C3orf20: variants seen among roughly 807,000 people sequenced by gnomAD.
C3orf20 encodes family with sequence similarity 149 member C.
C3orf20 carries 76 observed loss-of-function variants against 88.3 expected under a neutral mutation model. The observed-to-expected ratio is 0.86, with a 90% CI of 0.72 to 1.04. The LOEUF (loss-of-function observed/expected upper bound fraction) is 1.04, where lower values mean the gene tolerates loss of function less well. Among genes scored for constraint, C3orf20 ranks in the 50% least tolerant of loss-of-function variants. The probability of loss-of-function intolerance (pLI) is 0.00; values close to 1 mark genes in which losing one functional copy is unlikely to be tolerated. For missense variants in C3orf20, 1,056 were observed against 1,123.3 expected (o/e 0.94, Z 0.86); for synonymous variants, 436 against 437.4 (o/e 1.00, Z 0.04).
In C3orf20 at chr3:14,757,383, C is replaced by A; in HGVS notation, c.1953C>A (p.Arg651=). The A allele has an allele frequency of 6.2e-7, 1 of 1,611,006 alleles. No homozygotes were observed. Among genetic ancestry groups the A allele is most frequent in the Non-Finnish European group, 8.5e-7 (1 of 1,179,364 alleles). The part of the protein sequence containing the change: ...KAKVTSRGKA[R]EGRSPTRWAA... ...CTCCTCCTTGCAGAGGGAAGGCCCG[C>A]GAGGGGCGCAGCCCCACCAGGTGGG... The change falls in exon 13 of 17, where the codon CGC becomes CGA. Residue 651 remains arginine, a synonymous_variant. Transcript: ENST00000253697.
At position 14,760,603 on chromosome 3, in the gene C3orf20, CTTCT is replaced by C. The variant is rs1196728526; in HGVS notation, c.2352+608_2352+611del. Among the ~76,000 whole-genome samples, 4 of 107,592 alleles carry C rather than the reference CTTCT, an allele frequency of 3.7e-5. No homozygotes were observed. In the East Asian group the frequency reaches 8.5e-4, roughly 23 times the overall value. The allele number at this position is 107,592 out of a possible 152,430, so 70.6% of individuals were successfully genotyped here. A position where few individuals can be genotyped will look rare whatever the true frequency, so the allele number is the denominator to read the frequency against. On this transcript the variant is annotated intron_variant, in intron 14 of 16. Coordinates refer to ENST00000253697, the MANE Select transcript of C3orf20 (RefSeq NM_032137.5). ...TTTTAACTACTGTGTAAGAGTCTGT[CTTCT>C]TTTTTTTTTTTTTTTTTTTTGAGAC...
chr3:14,764,721 C>T (rs1477535213), intron 15 of C3orf20, among the ~76,000 whole-genome samples: 2 of 152,150 alleles, frequency 1.3e-5, no homozygotes, highest in Non-Finnish European at 2.9e-5. Flanking sequence ...AATGTAGCCT[C>T]TCCAAGTGGC....
chr3:14,680,454 G>A (rs1477420251), intron 1 of C3orf20, among the ~76,000 whole-genome samples: 2 of 152,090 alleles, frequency 1.3e-5, no homozygotes, highest in African/African-American at 2.4e-5. Context: ...TCCAGAACAG[G>A]CAAATCCACA....
chr3:14,727,476 G>C (rs566076771), intron 11 of C3orf20, among the ~76,000 whole-genome samples: 1 of 152,220 alleles, frequency 6.6e-6, no homozygotes, highest in East Asian at 1.9e-4. Context: ...GGCTGTCCCT[G>C]TTAGGCCCAC....
At chr3:14,756,028 CAAAAAAAAAAAAA>C in intron 12 of C3orf20, among the ~76,000 whole-genome samples, 1 of 72,736 alleles carries the variant, frequency 1.4e-5, no homozygotes, top group Non-Finnish European at 2.6e-5. Context: ...GACTCCATCT[CAAAAAAAAAAAAA>C]AAAAAAGAAA....
At chr3:14,684,505 C>G (rs577354072) in intron 4 of C3orf20, 123 bp downstream of exon 4, 73 of 1,294,250 alleles carry the variant, frequency 5.6e-5, no homozygotes, top group Admixed American at 7.4e-5. Context: ...GGATGTGGAG[C>G]AACAGGGATT....
chr3:14,681,661 A>G (rs2032099219), intron 1 of C3orf20, among the ~76,000 whole-genome samples: 1 of 152,208 alleles, frequency 6.6e-6, no homozygotes, highest in Non-Finnish European at 1.5e-5. Flanking sequence ...ACAAGAAACA[A>G]ATCATTTTTG....
intron 12 of C3orf20, among the ~76,000 whole-genome samples, chr3:14,742,678 A>G (rs1311405808): frequency 1.3e-5 from 2 of 152,292 alleles, no homozygotes; most frequent in Non-Finnish European, 2.9e-5. Context: ...CATGCTGCTG[A>G]TAAAGACATA....
At chr3:14,731,280 AC>A (rs2034533952) in intron 12 of C3orf20, among the ~76,000 whole-genome samples, 1 of 152,212 alleles carries the variant, frequency 6.6e-6, no homozygotes, top group Admixed American at 6.5e-5. Flanking sequence ...TTAGTATAAT[AC>A]ATACAGGATT....
chr3:14,754,550 T>G (rs1268989045), intron 12 of C3orf20, among the ~76,000 whole-genome samples: 1 of 152,136 alleles, frequency 6.6e-6, no homozygotes, highest in East Asian at 1.9e-4. Context: ...ATTCCTCTGG[T>G]TGTTGCAAGT....
At chr3:14,751,529 G>A (rs1045521516) in intron 12 of C3orf20, among the ~76,000 whole-genome samples, 1 of 152,216 alleles carries the variant, frequency 6.6e-6, no homozygotes, top group Non-Finnish European at 1.5e-5. Context: ...TAGGAAAAGA[G>A]GAAGTCAAAT....
intron 15 of C3orf20, among the ~76,000 whole-genome samples, chr3:14,764,208 A>T (rs2035637882): frequency 6.6e-6 from 1 of 151,644 alleles, no homozygotes; most frequent in Non-Finnish European, 1.5e-5. Context: ...CACACAAACT[A>T]GATAGAAACA....
intron 15 of C3orf20, among the ~76,000 whole-genome samples, chr3:14,765,819 G>A (rs944740960): frequency 6.6e-6 from 1 of 152,232 alleles, no homozygotes; most frequent in African/African-American, 2.4e-5. Flanking sequence ...CTGTGAAGCC[G>A]CCATGGAGAG....
chr3:14,715,401 G>T lies in C3orf20; in HGVS notation c.1426G>T (p.Glu476Ter). 6.2e-7 allele frequency: 1 copy of T among 1,611,544 alleles called. No individual in the cohort carries two copies. Among genetic ancestry groups the T allele is most frequent in the Non-Finnish European group, 8.5e-7 (1 of 1,179,432 alleles). ...TSRTETLLSL[E>*]YKVNEEMKLK... ...CAGGACAGAGACCCTGCTTTCCCTG[G>T]AATACAAGGTAGGGATGGGCAGCAC... is the stretch of plus-strand genomic sequence containing the variant. The change falls in exon 9 of 17, where the codon GAA (glutamate) becomes TAA (stop). Residue 476 changes from glutamate (E) to a stop codon, truncating the protein, a stop_gained. Coordinates refer to ENST00000253697, the MANE Select transcript of C3orf20 (RefSeq NM_032137.5). LOFTEE classifies it high-confidence loss of function.
At chr3:14,766,067 T>C (rs2035694792) in intron 15 of C3orf20, among the ~76,000 whole-genome samples, 1 of 151,862 alleles carries the variant, frequency 6.6e-6, no homozygotes, top group Non-Finnish European at 1.5e-5. Flanking sequence ...TGCACCAAGA[T>C]AAGGCCACAG....
At chr3:14,694,788 G>A (rs1026666695) in intron 5 of C3orf20, among the ~76,000 whole-genome samples, 1 of 151,210 alleles carries the variant, frequency 6.6e-6, no homozygotes, top group South Asian at 2.1e-4. Context: ...TTTATTTGAA[G>A]TTTCTCTTCT....
chr3:14,683,901 G>A (rs900077455), intron 3 of C3orf20, among the ~76,000 whole-genome samples: 2 of 147,146 alleles, frequency 1.4e-5, no homozygotes, highest in Non-Finnish European at 3.0e-5. Flanking sequence ...AAAAAGAACC[G>A]GGGTCCTTCC....
intron 1 of C3orf20, among the ~76,000 whole-genome samples, chr3:14,677,167 G>A (rs2031816293): frequency 2.0e-5 from 3 of 152,174 alleles, no homozygotes; most frequent in African/African-American, 7.2e-5. Flanking sequence ...AGAGAAAATA[G>A]CAGAGAACAC....
In C3orf20 at chr3:14,735,568, A is replaced by G. The variant is rs149173119; in HGVS notation, c.1940+6880A>G. On this transcript the variant is annotated intron_variant, in intron 12 of 16. Coordinates refer to ENST00000253697, the MANE Select transcript of C3orf20 (RefSeq NM_032137.5). ...TGTGTTTTAATTCTATATATATGTT[A>G]TAAACTATCCCATGAGACACTATTA... Among the ~76,000 whole-genome samples the G allele has an allele frequency of 2.1e-3, 322 of 152,042 alleles. 1 individual carries two copies. Among genetic ancestry groups the G allele is most frequent in the African/African-American group, 7.5e-3 (310 of 41,488 alleles).
Sources: allele counts gnomAD v4.1 joint callset (sites outside exome capture counted in the v4.1 genomes callset), GRCh38; gene constraint gnomAD v4.1.1; transcripts MANE v1.5; gene names NCBI Gene and HGNC (gene_info 2026-07-23, HGNC 2026-07-21).